Variants in SCHIP1 observed in about 807,000 individuals in gnomAD.
SCHIP1 encodes the protein schwannomin-interacting protein 1.
In SCHIP1, 8 loss-of-function variants were observed where a neutral mutation model predicts 29.7. The ratio of observed to expected loss-of-function variants is 0.27; its 90% CI spans 0.16 to 0.49. The LOEUF is 0.49. Ranked by LOEUF, SCHIP1 falls within the 20% of genes least tolerant of loss-of-function variation. The pLI, the probability that SCHIP1 is intolerant of heterozygous loss-of-function variation, is 0.99. For synonymous variants in SCHIP1, 76 were observed against 94.9 expected (o/e 0.80, Z 1.16); for missense variants, 193 against 294.6 (o/e 0.66, Z 2.52).
At chr3:159,481,743 C>T in the SCHIP1 span, among the ~76,000 whole-genome samples, 3 of 152,106 alleles carry the variant, frequency 2.0e-5, no homozygotes, top group African/African-American at 4.8e-5. Flanking sequence ...TTTATAAGCC[C>T]TTTGCTGCAT....
intron 5 of SCHIP1, among the ~76,000 whole-genome samples, chr3:159,891,429 G>A (rs1027047269): frequency 6.6e-6 from 1 of 151,850 alleles, no homozygotes; most frequent in African/African-American, 2.4e-5. Flanking sequence ...AGGGAGGGAG[G>A]GAAGAAAGAT....
chr3:159,448,033 T>C, the SCHIP1 span, among the ~76,000 whole-genome samples: 2 of 152,182 alleles, frequency 1.3e-5, no homozygotes, highest in East Asian at 3.9e-4. Context: ...AAACAATGCC[T>C]GGCTCCAGTG....
chr3:159,388,868 A>T, the SCHIP1 span, among the ~76,000 whole-genome samples: 1 of 152,120 alleles, frequency 6.6e-6, no homozygotes, highest in African/African-American at 2.4e-5. Flanking sequence ...AACAAGCATA[A>T]ATCTTCATCC....
At chr3:159,400,194 A>G in the SCHIP1 span, among the ~76,000 whole-genome samples, 1 of 152,254 alleles carries the variant, frequency 6.6e-6, no homozygotes, top group African/African-American at 2.4e-5. Flanking sequence ...AATATAGAAT[A>G]ACATGAATTA....
the SCHIP1 span, among the ~76,000 whole-genome samples, chr3:159,682,075 A>G: frequency 6.5e-4 from 99 of 152,336 alleles, 2 homozygotes; most frequent in Non-Finnish European, 1.3e-4. Flanking sequence ...AGGAGGGATG[A>G]TAAGGGAGAA....
the SCHIP1 span, among the ~76,000 whole-genome samples, chr3:159,699,738 T>C: frequency 0.12 from 18,790 of 152,192 alleles, 1,325 homozygotes; most frequent in Admixed American, 0.2. Context: ...GACAGGATTA[T>C]GTGAAAATTC....
chr3:159,825,987 T>C, the SCHIP1 span, among the ~76,000 whole-genome samples: 1 of 152,042 alleles, frequency 6.6e-6, no homozygotes, highest in Admixed American at 6.5e-5. Context: ...CCTAGAGCTG[T>C]GTGAGCAAGA....
At chr3:159,819,921 G>T in the SCHIP1 span, among the ~76,000 whole-genome samples, 1 of 152,182 alleles carries the variant, frequency 6.6e-6, no homozygotes, top group Admixed American at 6.5e-5. Flanking sequence ...AGAGGATGAG[G>T]GTTAGCCCCC....
the SCHIP1 span, among the ~76,000 whole-genome samples, chr3:159,509,670 C>A: frequency 6.6e-6 from 1 of 152,176 alleles, no homozygotes; most frequent in Non-Finnish European, 1.5e-5. Context: ...CTGGTGGTGA[C>A]AAAATCACTC....
intron 1 of SCHIP1, among the ~76,000 whole-genome samples, chr3:159,850,154 G>A (rs1419203331): frequency 6.6e-6 from 1 of 152,170 alleles, no homozygotes. Context: ...GAAGAGATAT[G>A]CGACAATACG....
At chr3:159,545,447 C>T in the SCHIP1 span, among the ~76,000 whole-genome samples, 1 of 151,910 alleles carries the variant, frequency 6.6e-6, no homozygotes, top group East Asian at 1.9e-4. Flanking sequence ...GCTTCCTGCC[C>T]TCAAACATCA....
chr3:159,358,757 T>A, the SCHIP1 span, among the ~76,000 whole-genome samples: 1 of 151,992 alleles, frequency 6.6e-6, no homozygotes, highest in Admixed American at 6.6e-5. Flanking sequence ...AATTATATAA[T>A]CCGTGAAAAA....
the SCHIP1 span, among the ~76,000 whole-genome samples, chr3:159,708,067 T>C: frequency 6.6e-6 from 1 of 152,194 alleles, no homozygotes; most frequent in Non-Finnish European, 1.5e-5. Flanking sequence ...GCCAGTGTCT[T>C]TGATGACCTA....
intron 1 of SCHIP1, among the ~76,000 whole-genome samples, chr3:159,850,888 T>C (rs1234074313): frequency 1.3e-5 from 2 of 152,222 alleles, no homozygotes; most frequent in Non-Finnish European, 2.9e-5. Context: ...CATTGGTGAT[T>C]ACAATCGAAC....
chr3:159,294,826 C>G, the SCHIP1 span, among the ~76,000 whole-genome samples: 9 of 152,212 alleles, frequency 5.9e-5, 1 homozygote, highest in African/African-American at 2.2e-4. Context: ...CAATAAATCT[C>G]TACTTGCAAC....
the SCHIP1 span, among the ~76,000 whole-genome samples, chr3:159,508,411 A>T: frequency 6.6e-6 from 1 of 152,140 alleles, no homozygotes; most frequent in African/African-American, 2.4e-5. Flanking sequence ...TCTTTTCAAA[A>T]AACCAGCTCC....
chr3:159,446,637 A>C, the SCHIP1 span, among the ~76,000 whole-genome samples: 2 of 152,190 alleles, frequency 1.3e-5, no homozygotes, highest in East Asian at 3.8e-4. Flanking sequence ...GTGTATATAA[A>C]CAGGCACAGG....
At chr3:159,467,347 C>G in the SCHIP1 span, among the ~76,000 whole-genome samples, 1 of 151,962 alleles carries the variant, frequency 6.6e-6, no homozygotes. Context: ...CATCCTTGTA[C>G]ATTCATTTTG....
chr3:159,279,508 A>G, the SCHIP1 span, among the ~76,000 whole-genome samples: 6 of 152,224 alleles, frequency 3.9e-5, no homozygotes, highest in Non-Finnish European at 8.8e-5. Context: ...TAGAAATAAG[A>G]AAATAAAATA....
Sources: allele counts gnomAD v4.1 joint callset (sites outside exome capture counted in the v4.1 genomes callset), GRCh38; gene constraint gnomAD v4.1.1; transcripts MANE v1.5; gene names NCBI Gene and HGNC (gene_info 2026-07-23, HGNC 2026-07-21).